CNIH3: variants seen among roughly 807,000 people sequenced by gnomAD.
The protein encoded by CNIH3 is cornichon family AMPA receptor auxiliary protein 3.
Under a neutral mutation model 24.1 loss-of-function variants are expected in CNIH3, and 14 were observed. The observed-to-expected ratio is 0.58, with a 90% CI of 0.38 to 0.91. The LOEUF (loss-of-function observed/expected upper bound fraction) is 0.91. Among genes scored for constraint, CNIH3 ranks in the 40% least tolerant of loss-of-function variants. The probability of loss-of-function intolerance (pLI) is 0.00; values close to 1 mark genes in which losing one functional copy is unlikely to be tolerated. For missense variants in CNIH3, 178 were observed against 196.8 expected (o/e 0.90, Z 0.57); for synonymous variants, 68 against 73.8 (o/e 0.92, Z 0.40).
intron 1 of CNIH3, among the ~76,000 whole-genome samples, chr1:224,676,865 GTGCTA>G (rs1170479498): frequency 1.3e-5 from 2 of 152,232 alleles, no homozygotes; most frequent in African/African-American, 2.4e-5. Flanking sequence ...TTATGAATTA[GTGCTA>G]AGTGGGGGGT....
intron 4 of CNIH3, among the ~76,000 whole-genome samples, chr1:224,577,192 C>T (rs1681070247): frequency 6.6e-6 from 1 of 152,130 alleles, no homozygotes. Flanking sequence ...GCAATGAAAA[C>T]AAAGATAAAT....
chr1:224,690,870 A>G (rs6686633), intron 3 of CNIH3, among the ~76,000 whole-genome samples: 76,761 of 151,918 alleles, frequency 0.51, 19,827 homozygotes, highest in East Asian at 0.67. Flanking sequence ...TGCAGTGGTG[A>G]TATGACCACC....
At chr1:224,558,355 T>A (rs1446240525) in intron 3 of CNIH3, among the ~76,000 whole-genome samples, 1 of 152,106 alleles carries the variant, frequency 6.6e-6, no homozygotes, top group Non-Finnish European at 1.5e-5. Context: ...TCCCAAAGTG[T>A]CATTTTCACC....
chr1:224,536,284 C>CTTTTTTTTTTTTTT (rs373201561), intron 2 of CNIH3, among the ~76,000 whole-genome samples: 1 of 86,046 alleles, frequency 1.2e-5, no homozygotes, highest in East Asian at 4.0e-4. Context: ...TAATTGTTGT[C>CTTTTTTTTTTTTTT]TTTTTTTTTT....
chr1:224,596,127 G>A (rs896001215), intron 3 of CNIH3, among the ~76,000 whole-genome samples: 1 of 152,232 alleles, frequency 6.6e-6, no homozygotes, highest in Non-Finnish European at 1.5e-5. Context: ...ATGCCATCTA[G>A]GCATCTTTCA....
At chr1:224,628,042 T>C (rs1033378129) in intron 1 of CNIH3, among the ~76,000 whole-genome samples, 2 of 151,478 alleles carry the variant, frequency 1.3e-5, no homozygotes, top group Admixed American at 6.6e-5. Flanking sequence ...ACTAATTGAG[T>C]TTGAATCAGA....
intron 1 of CNIH3, among the ~76,000 whole-genome samples, chr1:224,643,316 A>G (rs943742271): frequency 6.6e-6 from 1 of 152,248 alleles, no homozygotes; most frequent in Non-Finnish European, 1.5e-5. Context: ...TTCTGTGTCT[A>G]CAGTGCATTT....
At chr1:224,538,927 C>T (rs1210283528), downstream of CNIH3, among the ~76,000 whole-genome samples, 2 of 151,348 alleles carry the variant, frequency 1.3e-5, no homozygotes, top group African/African-American at 4.9e-5. Flanking sequence ...CTCAGTCTCC[C>T]AAAGTGCTGC....
intron 3 of CNIH3, among the ~76,000 whole-genome samples, chr1:224,689,456 G>T (rs900722520): frequency 2.6e-5 from 4 of 152,166 alleles, no homozygotes; most frequent in African/African-American, 9.7e-5. Flanking sequence ...CATTTTCTTA[G>T]GTTAGTGCCG....
chr1:224,485,843 A>G (rs1404948234), intron 1 of CNIH3, among the ~76,000 whole-genome samples: 5 of 152,174 alleles, frequency 3.3e-5, no homozygotes, highest in South Asian at 4.1e-4. Flanking sequence ...ATGAATTCCC[A>G]TGTATCCATC....
At chr1:224,650,895 A>G (rs1373045054) in intron 1 of CNIH3, among the ~76,000 whole-genome samples, 1 of 152,128 alleles carries the variant, frequency 6.6e-6, no homozygotes, top group Non-Finnish European at 1.5e-5. Flanking sequence ...TTCCTTGGGC[A>G]AGGGAAAATG....
chr1:224,688,200 T>C (rs1038716760), intron 3 of CNIH3, among the ~76,000 whole-genome samples: 1 of 152,210 alleles, frequency 6.6e-6, no homozygotes, highest in African/African-American at 2.4e-5. Flanking sequence ...AGTCAAGCAA[T>C]TTTGTTTTAT....
At chr1:224,551,943 C>G (rs958601595) in intron 3 of CNIH3, among the ~76,000 whole-genome samples, 1 of 151,324 alleles carries the variant, frequency 6.6e-6, no homozygotes, top group African/African-American at 2.4e-5. Flanking sequence ...TGTACACCCA[C>G]TGTTGTATTA....
chr1:224,694,289 G>C (rs572986787), intron 3 of CNIH3, among the ~76,000 whole-genome samples: 1 of 152,316 alleles, frequency 6.6e-6, no homozygotes, highest in South Asian at 2.1e-4. Context: ...AGATGAATGT[G>C]GGGCCGTCAC....
chr1:224,575,476 G>A (rs982309385), intron 4 of CNIH3: 61 of 613,702 alleles, frequency 9.9e-5, no homozygotes, highest in African/African-American at 8.7e-4. Context: ...AGTATGGCCT[G>A]TGTCACTCAG....
intron 3 of CNIH3, among the ~76,000 whole-genome samples, chr1:224,697,524 G>A (rs1031998537): frequency 2.6e-5 from 4 of 152,090 alleles, no homozygotes; most frequent in African/African-American, 9.7e-5. Context: ...GTGCCCAAGT[G>A]GACTGAAGGA....
At chr1:224,523,370 G>T (rs1678719143) in intron 2 of CNIH3, among the ~76,000 whole-genome samples, 1 of 152,162 alleles carries the variant, frequency 6.6e-6, no homozygotes, top group East Asian at 1.9e-4. Context: ...TAAATACACA[G>T]AACAAACTAT....
Position 224,734,718 on chromosome 1 carries a change from C to A in CNIH3, c.455+12C>A. 6.2e-7 allele frequency: 1 copy of A among 1,613,506 alleles called. No individual in the cohort carries two copies. The highest frequency in any genetic ancestry group is 8.5e-7 in the Non-Finnish European group (1 of 1,179,490). On this transcript the variant is annotated intron_variant, in intron 5 of 5. Transcript: ENST00000272133. ...TACTACCTTTACTGGTGAGTATCTG[C>A]CCCTCCTGGTGGTTTTGACTCCTGC...
At chr1:224,612,131 G>A (rs758675259), upstream of CNIH3, among the ~76,000 whole-genome samples, 34 of 152,166 alleles carry the variant, frequency 2.2e-4, no homozygotes, top group Non-Finnish European at 4.1e-4. The surrounding 1 kb of genome is among the most constrained non-coding windows in gnomAD (Gnocchi z 4.7). Context: ...CTTGGTTCTG[G>A]TGATGCTGTG....
Sources: gnomAD v4.1 joint callset for allele counts (sites outside exome capture counted in the v4.1 genomes callset) on GRCh38, gnomAD v4.1.1 for gene constraint, Gnocchi (gnomAD v3.1) non-coding constraint, MANE v1.5 for transcripts, NCBI Gene and HGNC (gene_info 2026-07-23, HGNC 2026-07-21) for gene names.